The following ZNF804A variants were observed in gnomAD, a reference collection of about 807,000 sequenced individuals.
ZNF804A encodes the protein zinc finger protein 804A.
A neutral mutation model predicts 16.5 loss-of-function variants in ZNF804A; 2 were observed. The ratio of observed to expected loss-of-function variants is 0.12; its 90% confidence interval spans 0.05 to 0.38. The LOEUF (loss-of-function observed/expected upper bound fraction) is 0.38, where lower values mean the gene tolerates loss of function less well. Ranked by LOEUF, ZNF804A falls within the 10% of genes least tolerant of loss-of-function variation. ZNF804A has a pLI of 0.99. For missense variants in ZNF804A, 1,473 were observed against 1,390.7 expected, an observed-to-expected ratio of 1.06 and a Z score of -0.94; for synonymous variants, 534 against 489.6, an observed-to-expected ratio of 1.09 and a Z score of -1.20.
At chr2:184,636,164 C>T (rs925569227) in intron 1 of ZNF804A, among the ~76,000 whole-genome samples, 2 of 151,760 alleles carry the variant, frequency 1.3e-5, no homozygotes, top group African/African-American at 4.8e-5. Flanking sequence ...AATTACTTTG[C>T]TGATAGTAGA....
intron 1 of ZNF804A, among the ~76,000 whole-genome samples, chr2:184,786,588 G>T (rs1694452388): frequency 6.6e-6 from 1 of 151,898 alleles, no homozygotes; most frequent in Non-Finnish European, 1.5e-5. Context: ...GCAGATTAAT[G>T]GAAGTCCCAG....
chr2:184,641,389 C>A (rs1276758215), intron 1 of ZNF804A, among the ~76,000 whole-genome samples: 1 of 152,110 alleles, frequency 6.6e-6, no homozygotes, highest in Admixed American at 6.6e-5. Flanking sequence ...GAAAGCAGAT[C>A]AGCAGTTGCT....
At chr2:184,904,285 A>T (rs936630630) in intron 2 of ZNF804A, among the ~76,000 whole-genome samples, 27 of 152,190 alleles carry the variant, frequency 1.8e-4, no homozygotes, top group East Asian at 7.7e-4. Flanking sequence ...CAATTAAAAA[A>T]TTTTTATTAA....
intron 1 of ZNF804A, among the ~76,000 whole-genome samples, chr2:184,827,850 G>A (rs1009534123): frequency 7.3e-5 from 11 of 151,642 alleles, no homozygotes; most frequent in African/African-American, 2.4e-4. Flanking sequence ...ACTGTCAGCT[G>A]TAAGTCAGGC....
chr2:184,852,684 A>G (rs898001950), intron 1 of ZNF804A, among the ~76,000 whole-genome samples: 1 of 151,840 alleles, frequency 6.6e-6, no homozygotes, highest in South Asian at 2.1e-4. Context: ...AGTTGTCCCA[A>G]TATCATTTAT....
At chr2:184,845,161 C>T (rs1009448303) in intron 1 of ZNF804A, among the ~76,000 whole-genome samples, 2 of 151,970 alleles carry the variant, frequency 1.3e-5, no homozygotes, top group African/African-American at 2.4e-5. Flanking sequence ...ATCATAGTTA[C>T]ATTAAATTTT....
At chr2:184,883,829 A>C (rs531516805) in intron 2 of ZNF804A, among the ~76,000 whole-genome samples, 1 of 152,244 alleles carries the variant, frequency 6.6e-6, no homozygotes, top group African/African-American at 2.4e-5. Flanking sequence ...TCTATCAAAA[A>C]CCCACAGTGA....
intron 2 of ZNF804A, among the ~76,000 whole-genome samples, chr2:184,922,762 T>C (rs1388790477): frequency 6.6e-6 from 1 of 152,112 alleles, no homozygotes; most frequent in Non-Finnish European, 1.5e-5. Context: ...AGGAGTCTAA[T>C]TTCTTTCTTC....
At chr2:184,845,816 G>A (rs1695504340) in intron 1 of ZNF804A, among the ~76,000 whole-genome samples, 1 of 152,010 alleles carries the variant, frequency 6.6e-6, no homozygotes, top group African/African-American at 2.4e-5. Context: ...AAGAGTTTCT[G>A]TATATTACAC....
intron 1 of ZNF804A, among the ~76,000 whole-genome samples, chr2:184,680,002 C>T (rs1692510228): frequency 1.3e-5 from 2 of 152,188 alleles, no homozygotes; most frequent in South Asian, 4.1e-4. Context: ...CTCATGGCCA[C>T]TCATGGACCA....
At chr2:184,713,109 G>A (rs1693155822) in intron 1 of ZNF804A, among the ~76,000 whole-genome samples, 2 of 151,796 alleles carry the variant, frequency 1.3e-5, no homozygotes, top group South Asian at 4.2e-4. Context: ...ATTAGCGTCT[G>A]TATATTTGAA....
chr2:184,904,065 T>C (rs1003469660), intron 2 of ZNF804A, among the ~76,000 whole-genome samples: 2 of 152,072 alleles, frequency 1.3e-5, no homozygotes, highest in Non-Finnish European at 2.9e-5. Flanking sequence ...GTTGTGTTTC[T>C]ACATGCTAAC....
intron 2 of ZNF804A, among the ~76,000 whole-genome samples, chr2:184,908,317 C>T (rs1253462763): frequency 1.3e-5 from 2 of 151,984 alleles, no homozygotes; most frequent in East Asian, 1.9e-4. Flanking sequence ...TCTTTTTTCT[C>T]CCCCACCTCA....
chr2:184,691,492 C>T (rs1692724375), intron 1 of ZNF804A, among the ~76,000 whole-genome samples: 1 of 151,274 alleles, frequency 6.6e-6, no homozygotes, highest in South Asian at 2.1e-4. Flanking sequence ...TATGAAATGG[C>T]TTCTTTGTTG....
intron 1 of ZNF804A, among the ~76,000 whole-genome samples, chr2:184,655,225 C>T (rs1288623109): frequency 6.6e-6 from 1 of 152,168 alleles, no homozygotes; most frequent in East Asian, 1.9e-4. Context: ...ATATCACTCC[C>T]CTTTCACAAA....
chr2:184,778,412 A>G (rs911194915), intron 1 of ZNF804A, among the ~76,000 whole-genome samples: 2 of 151,542 alleles, frequency 1.3e-5, no homozygotes, highest in Non-Finnish European at 3.0e-5. Context: ...GTGATGAGAG[A>G]GTCCATTAAC....
chr2:184,639,005 AT>A (rs1355016850), intron 1 of ZNF804A, among the ~76,000 whole-genome samples: 3 of 150,880 alleles, frequency 2.0e-5, no homozygotes, highest in Non-Finnish European at 2.9e-5. Flanking sequence ...GCTTGAGTTC[AT>A]CACTTTGTTA....
At chr2:184,679,322 C>T (rs1051314362) in intron 1 of ZNF804A, among the ~76,000 whole-genome samples, 17 of 152,290 alleles carry the variant, frequency 1.1e-4, no homozygotes, top group African/African-American at 7.2e-5. Context: ...GCGATGGCAG[C>T]GGGGACCCAT....
At chr2:184,631,012 A>G (rs1410962902) in intron 1 of ZNF804A, among the ~76,000 whole-genome samples, 4 of 152,306 alleles carry the variant, frequency 2.6e-5, no homozygotes, top group African/African-American at 9.6e-5. Context: ...AAAATATTCT[A>G]GTAACTATGT....
Sources: gnomAD v4.1 joint callset for allele counts (sites outside exome capture counted in the v4.1 genomes callset) on GRCh38, gnomAD v4.1.1 for gene constraint, MANE v1.5 for transcripts, NCBI Gene and HGNC (gene_info 2026-07-23, HGNC 2026-07-21) for gene names.